Variants in SUGCT observed in about 807,000 individuals in gnomAD.
SUGCT encodes the protein succinyl-CoA:glutarate-CoA transferase.
A neutral mutation model predicts 55.0 loss-of-function variants in SUGCT; 41 were observed. The observed-to-expected ratio is 0.74, with a 90% CI of 0.58 to 0.97. The LOEUF (loss-of-function observed/expected upper bound fraction) is 0.97. SUGCT is among the 50% of genes least tolerant of loss of function. The pLI is 0.00. For synonymous variants in SUGCT, 187 were observed against 200.4 expected, an observed-to-expected ratio of 0.93 and a Z score of 0.56; for missense variants, 568 against 547.8, an observed-to-expected ratio of 1.04 and a Z score of -0.37.
At chr7:40,449,460 C>G in intron 10 of SUGCT, 102 bp downstream of exon 10, 1 of 774,376 alleles carries the variant, frequency 1.3e-6, no homozygotes, top group Non-Finnish European at 2.3e-6. Flanking sequence ...GTGTTAGCAA[C>G]TAAAAGTATA....
At chr7:40,606,411 A>T (rs1798538805) in intron 12 of SUGCT, among the ~76,000 whole-genome samples, 1 of 152,196 alleles carries the variant, frequency 6.6e-6, no homozygotes, top group Admixed American at 6.5e-5. Flanking sequence ...AGATGGAAAC[A>T]GGGTCTTCAG....
At chr7:40,686,319 A>T (rs1460007297) in intron 12 of SUGCT, among the ~76,000 whole-genome samples, 1 of 152,194 alleles carries the variant, frequency 6.6e-6, no homozygotes, top group Non-Finnish European at 1.5e-5. Context: ...TATGTACTTT[A>T]CTTTCCTTAC....
intron 13 of SUGCT, among the ~76,000 whole-genome samples, chr7:40,794,398 A>G (rs549501996): frequency 6.6e-6 from 1 of 152,108 alleles, no homozygotes; most frequent in Non-Finnish European, 1.5e-5. Context: ...TTATTTTATC[A>G]CCCTCCATGC....
chr7:40,965,043 C>CTGGAT, the SUGCT span: 2 of 152,246 alleles, frequency 1.3e-5, no homozygotes, highest in East Asian at 3.8e-4. Context: ...ATTGCCTAAA[C>CTGGAT]TGGATTGCAT....
intron 12 of SUGCT, among the ~76,000 whole-genome samples, chr7:40,678,700 G>T (rs1184163314): frequency 2.0e-5 from 3 of 152,186 alleles, no homozygotes; most frequent in African/African-American, 7.2e-5. Flanking sequence ...AGTATATCTA[G>T]ATGAGACATA....
intron 12 of SUGCT, among the ~76,000 whole-genome samples, chr7:40,638,220 GGTGT>G (rs1330308867): frequency 6.6e-6 from 1 of 152,182 alleles, no homozygotes; most frequent in Non-Finnish European, 1.5e-5. Context: ...TTGGCTGTGA[GGTGT>G]GTTGTAAAAC....
At chr7:40,961,501 T>C in the SUGCT span, among the ~76,000 whole-genome samples, 6 of 152,354 alleles carry the variant, frequency 3.9e-5, no homozygotes, top group South Asian at 1.2e-3. Flanking sequence ...CTCACACCTT[T>C]TGTGGCTGAA....
chr7:40,146,103 T>A (rs1295807822), intron 1 of SUGCT, among the ~76,000 whole-genome samples: 1 of 151,200 alleles, frequency 6.6e-6, no homozygotes, highest in Non-Finnish European at 1.5e-5. Flanking sequence ...TTTTTTGCTT[T>A]TTTTTTTTTT....
rs191761548 is a variant in SUGCT at position 40,366,996 on chromosome 7, C to G, written c.816+50141C>G. Reference sequence around the variant, plus strand: ...TTTATTGCGGCACTATTCACAGTAGCAAAGAGTTGGAACCAACCCAAATGT... The same window carrying G: ...TTTATTGCGGCACTATTCACAGTAGGAAAGAGTTGGAACCAACCCAAATGT... On this transcript the variant is annotated intron_variant, in intron 9 of 13. Coordinates refer to ENST00000335693, the MANE Select transcript of SUGCT (RefSeq NM_001193313.2). Among the ~76,000 whole-genome samples, 202 of 152,198 alleles carry G rather than the reference C, an allele frequency of 1.3e-3. 1 individual carries two copies. The highest frequency in any genetic ancestry group is 4.0e-3 in the African/African-American group (168 of 41,516).
At chr7:40,291,372 G>A (rs2151050274) in intron 8 of SUGCT, among the ~76,000 whole-genome samples, 1 of 150,922 alleles carries the variant, frequency 6.6e-6, no homozygotes, top group African/African-American at 2.4e-5. Flanking sequence ...GGATGAAACT[G>A]GAAACCATCA....
intron 3 of SUGCT, among the ~76,000 whole-genome samples, chr7:40,182,431 A>G (rs888125277): frequency 6.6e-6 from 1 of 152,022 alleles, no homozygotes; most frequent in South Asian, 2.1e-4. Context: ...GTAGACAGGC[A>G]TGGACCTGTA....
chr7:40,770,293 G>A (rs1789026175), intron 13 of SUGCT, among the ~76,000 whole-genome samples: 1 of 152,118 alleles, frequency 6.6e-6, no homozygotes, highest in Admixed American at 6.5e-5. Context: ...ATTAAAGAGA[G>A]GTTAATCCTC....
chr7:40,603,639 A>G (rs759047107), intron 12 of SUGCT, among the ~76,000 whole-genome samples: 2 of 152,170 alleles, frequency 1.3e-5, no homozygotes, highest in Non-Finnish European at 2.9e-5. Context: ...AGCCCTTAGC[A>G]TTGTTCAAGG....
intron 13 of SUGCT, among the ~76,000 whole-genome samples, chr7:40,775,118 T>C (rs2128731974): frequency 6.6e-6 from 1 of 152,164 alleles, no homozygotes; most frequent in African/African-American, 2.4e-5. Context: ...AAAGCTTTTA[T>C]TTGAGAGTCA....
intron 3 of SUGCT, among the ~76,000 whole-genome samples, chr7:40,182,834 G>C (rs1444155531): frequency 6.6e-6 from 1 of 152,150 alleles, no homozygotes; most frequent in Non-Finnish European, 1.5e-5. Flanking sequence ...CCCCAGCCTA[G>C]CTTTAGCATT....
At chr7:40,648,856 C>A (rs1371534144) in intron 12 of SUGCT, among the ~76,000 whole-genome samples, 1 of 152,162 alleles carries the variant, frequency 6.6e-6, no homozygotes, top group Non-Finnish European at 1.5e-5. Flanking sequence ...GGCCTCCCAG[C>A]ACCTTGATTT....
intron 9 of SUGCT, among the ~76,000 whole-genome samples, chr7:40,367,301 G>C (rs1784041867): frequency 6.6e-6 from 1 of 151,424 alleles, no homozygotes; most frequent in South Asian, 2.1e-4. Context: ...AGCATTAGGA[G>C]ATATACCTAA....
chr7:40,729,072 T>C (rs964601821), intron 12 of SUGCT, among the ~76,000 whole-genome samples: 1 of 152,324 alleles, frequency 6.6e-6, no homozygotes, highest in Non-Finnish European at 1.5e-5. Context: ...CACTACACTA[T>C]GATGCTATTA....
chr7:40,150,384 CTG>C, intron 1 of SUGCT, among the ~76,000 whole-genome samples: 1 of 152,066 alleles, frequency 6.6e-6, no homozygotes, highest in East Asian at 1.9e-4. Flanking sequence ...CCTCTGCTCG[CTG>C]GGCCGGGCAC....
Sources: gnomAD v4.1 joint callset for allele counts (sites outside exome capture counted in the v4.1 genomes callset) on GRCh38, gnomAD v4.1.1 for gene constraint, MANE v1.5 for transcripts, NCBI Gene and HGNC (gene_info 2026-07-23, HGNC 2026-07-21) for gene names.